The following SPRY3 variants were observed in gnomAD, a reference collection of about 807,000 sequenced individuals.
The protein encoded by SPRY3 is protein sprouty homolog 3.
In SPRY3, 15 loss-of-function variants were observed where a neutral mutation model predicts 20.2. The ratio of observed to expected loss-of-function variants is 0.74; its 90% CI spans 0.50 to 1.14. The LOEUF is 1.14. Ranked by LOEUF, SPRY3 falls within the 50% of genes most tolerant of loss-of-function variation. The probability of loss-of-function intolerance (pLI) is 0.00; values close to 1 mark genes in which losing one functional copy is unlikely to be tolerated. For missense variants in SPRY3, 364 were observed against 363.9 expected (o/e 1.00, Z 0.00); for synonymous variants, 143 against 136.5 (o/e 1.05, Z -0.33).
chrX:155,713,119 T>C (rs2090998505), intron 2 of SPRY3, among the ~76,000 whole-genome samples: 1 of 152,014 alleles, frequency 6.6e-6, no homozygotes. Context: ...TTACTTTAAG[T>C]TCTGGGATAC....
At chrX:155,726,966 TC>T (rs2091102495) in intron 2 of SPRY3, among the ~76,000 whole-genome samples, 1 of 152,196 alleles carries the variant, frequency 6.6e-6, no homozygotes, top group Admixed American at 6.5e-5. Flanking sequence ...TACTGGTTGT[TC>T]CTTTCCATGT....
chrX:155,773,343 A>G (rs1239952793), intron 3 of SPRY3, among the ~76,000 whole-genome samples: 1 of 96,100 alleles, frequency 1.0e-5, no homozygotes, highest in African/African-American at 3.8e-5. Flanking sequence ...TATATATATG[A>G]GCAACTTCTC....
rs184923715 is a variant in SPRY3, at chrX:155,666,531, A to C, written c.-282+9506A>C. Among the ~76,000 whole-genome samples, 5 of 111,387 alleles carry C rather than the reference A, an allele frequency of 4.5e-5. No individual in the cohort carries two copies. In the East Asian group the frequency reaches 1.4e-3, roughly 32 times the overall value. The stretch of plus-strand genomic sequence containing the variant: ...TAGACCAAGTTGATAACAATGGGGA[A>C]GCAGAAGCGTAAACAGATTTTTGGC... On this transcript the variant is annotated intron_variant, in intron 2 of 3. Transcript: ENST00000675360.
intron 1 of SPRY3, among the ~76,000 whole-genome samples, chrX:155,624,051 A>G (rs2067879619): frequency 8.9e-6 from 1 of 112,210 alleles, no homozygotes; most frequent in Non-Finnish European, 1.9e-5. Context: ...CTTATCTATT[A>G]AACACAATAT....
At chrX:155,773,190 T>C (rs749198410) in intron 3 of SPRY3, among the ~76,000 whole-genome samples, 157 of 151,694 alleles carry the variant, frequency 1.0e-3, no homozygotes, top group Non-Finnish European at 1.8e-3. Flanking sequence ...GTTTGCTGTA[T>C]CTCTGCCTTT....
intron 2 of SPRY3, among the ~76,000 whole-genome samples, chrX:155,674,436 G>A (rs782091280): frequency 6.3e-5 from 7 of 110,583 alleles, no homozygotes; most frequent in African/African-American, 2.3e-4. Context: ...CCAGTGTTGG[G>A]AAACCTACTG....
At chrX:155,767,585 G>C (rs1467875074) in intron 2 of SPRY3, among the ~76,000 whole-genome samples, 1 of 150,352 alleles carries the variant, frequency 6.7e-6, no homozygotes, top group Non-Finnish European at 1.5e-5. Context: ...GGAGGAAGAA[G>C]GGGAGGAGGG....
chrX:155,614,463 T>C (rs895762179), intron 1 of SPRY3, among the ~76,000 whole-genome samples: 4 of 111,947 alleles, frequency 3.6e-5, no homozygotes, highest in Admixed American at 9.5e-5. Flanking sequence ...GTTTCCTTAA[T>C]AATAGTAACC....
intron 2 of SPRY3, among the ~76,000 whole-genome samples, chrX:155,728,191 G>A (rs753190480): frequency 2.3e-4 from 35 of 152,190 alleles, no homozygotes; most frequent in African/African-American, 7.0e-4. Flanking sequence ...TGGAAGCTTC[G>A]TCCCAGAGGG....
At chrX:155,737,851 T>G in intron 2 of SPRY3, among the ~76,000 whole-genome samples, 1 of 152,290 alleles carries the variant, frequency 6.6e-6, no homozygotes, top group East Asian at 1.9e-4. Context: ...TGAATTGTAC[T>G]TTAGGAAGAT....
intron 2 of SPRY3, among the ~76,000 whole-genome samples, chrX:155,759,748 C>T (rs2091297005): frequency 6.6e-6 from 1 of 151,944 alleles, no homozygotes; most frequent in Non-Finnish European, 1.5e-5. Flanking sequence ...GTATGTTTAC[C>T]AGGTGAATTT....
At chrX:155,710,966 A>G (rs1199908325) in intron 2 of SPRY3, among the ~76,000 whole-genome samples, 1 of 151,712 alleles carries the variant, frequency 6.6e-6, no homozygotes, top group East Asian at 1.9e-4. Context: ...TATCACATTG[A>G]TTGACTTGCA....
chrX:155,634,170 A>G (rs1019022748), intron 1 of SPRY3, among the ~76,000 whole-genome samples: 1 of 111,076 alleles, frequency 9.0e-6, no homozygotes, highest in Non-Finnish European at 1.9e-5. Flanking sequence ...CACATGCCTT[A>G]CCTGGATATT....
At chrX:155,693,290 G>A (rs779449617) in intron 2 of SPRY3, among the ~76,000 whole-genome samples, 4 of 111,710 alleles carry the variant, frequency 3.6e-5, no homozygotes, top group Admixed American at 9.6e-5. Context: ...AGTTTCTGAT[G>A]TATATTATTG....
chrX:155,662,481 G>A (rs1377148510), intron 2 of SPRY3, among the ~76,000 whole-genome samples: 2 of 110,250 alleles, frequency 1.8e-5, no homozygotes, highest in Non-Finnish European at 3.8e-5. Flanking sequence ...TTTGTCAACA[G>A]GCATTGTATT....
chrX:155,629,144 T>C (rs2067897864), intron 1 of SPRY3, among the ~76,000 whole-genome samples: 1 of 94,693 alleles, frequency 1.1e-5, no homozygotes, highest in Non-Finnish European at 2.1e-5. Flanking sequence ...CTCCTAATGC[T>C]ATCCCTCCCC....
At chrX:155,661,648 C>T (rs1458831710) in intron 2 of SPRY3, among the ~76,000 whole-genome samples, 1 of 111,054 alleles carries the variant, frequency 9.0e-6, no homozygotes, top group Non-Finnish European at 1.9e-5. Flanking sequence ...ACTTTTTCTT[C>T]TTCTCCATCA....
At chrX:155,764,550 G>C (rs1333431766) in intron 2 of SPRY3, among the ~76,000 whole-genome samples, 1 of 152,136 alleles carries the variant, frequency 6.6e-6, no homozygotes, top group Non-Finnish European at 1.5e-5. Context: ...CATTCAATAA[G>C]TATTAATTTA....
chrX:155,777,557 T>C (rs1282887516), downstream of SPRY3: 1 of 138,758 alleles, frequency 7.2e-6, no homozygotes, highest in Non-Finnish European at 1.7e-5. Flanking sequence ...GGACTGCATC[T>C]GCTTTACGTA....
Sources: gnomAD v4.1 joint callset for allele counts (sites outside exome capture counted in the v4.1 genomes callset) on GRCh38, gnomAD v4.1.1 for gene constraint, MANE v1.5 for transcripts, NCBI Gene and HGNC (gene_info 2026-07-23, HGNC 2026-07-21) for gene names.